VPS41: variants seen among roughly 807,000 people sequenced by gnomAD.
The protein encoded by VPS41 is vacuolar protein sorting-associated protein 41 homolog.
VPS41 carries 85 observed loss-of-function variants against 130.9 expected under a neutral mutation model. The observed-to-expected ratio is 0.65, with a 90% CI of 0.55 to 0.78. The LOEUF (loss-of-function observed/expected upper bound fraction) is 0.78. Ranked by LOEUF, VPS41 falls within the 30% of genes least tolerant of loss-of-function variation. The probability of loss-of-function intolerance (pLI) is 0.00; values close to 1 mark genes in which losing one functional copy is unlikely to be tolerated. For missense variants in VPS41, 874 were observed against 1,018.7 expected (o/e 0.86, Z 1.93); for synonymous variants, 335 against 332.9 (o/e 1.01, Z -0.07).
intron 5 of VPS41, among the ~76,000 whole-genome samples, chr7:38,821,935 T>G (rs1243720786): frequency 6.6e-6 from 1 of 152,120 alleles, no homozygotes; most frequent in African/African-American, 2.4e-5. Flanking sequence ...AACTATTTTT[T>G]CATCCCTTAA....
chr7:38,802,669 C>T (rs999694069), intron 7 of VPS41, among the ~76,000 whole-genome samples: 3 of 152,138 alleles, frequency 2.0e-5, no homozygotes, highest in African/African-American at 4.8e-5. Context: ...TTCTTACAAA[C>T]ATTCTATACT....
intron 2 of VPS41, among the ~76,000 whole-genome samples, chr7:38,882,409 C>A (rs1291034508): frequency 6.6e-6 from 1 of 152,166 alleles, no homozygotes; most frequent in South Asian, 2.1e-4. Context: ...CCCTCAGGGT[C>A]CAGGAATCAG....
intron 5 of VPS41, 121 bp from the exon 6 acceptor site, chr7:38,821,386 A>C (rs1584412191): frequency 4.4e-6 from 3 of 685,448 alleles, no homozygotes; most frequent in Non-Finnish European, 2.5e-6. Flanking sequence ...AGGCCCCGTG[A>C]CCTCTATTAA....
chr7:38,899,741 T>C (rs1330925909), intron 1 of VPS41, among the ~76,000 whole-genome samples: 2 of 152,234 alleles, frequency 1.3e-5, no homozygotes, highest in African/African-American at 4.8e-5. Flanking sequence ...TATTATGTTA[T>C]TAGCATCAGC....
intron 10 of VPS41, among the ~76,000 whole-genome samples, chr7:38,779,759 A>C (rs1784323056): frequency 1.3e-5 from 2 of 152,230 alleles, no homozygotes; most frequent in African/African-American, 4.8e-5. Flanking sequence ...TGAAGGTATA[A>C]GGAATATTCT....
At chr7:38,906,698 C>T (rs1053814742) in intron 1 of VPS41, among the ~76,000 whole-genome samples, 4 of 152,118 alleles carry the variant, frequency 2.6e-5, no homozygotes, top group African/African-American at 9.7e-5. Context: ...ACTCCAACTA[C>T]ATATTGGCTG....
intron 1 of VPS41, among the ~76,000 whole-genome samples, chr7:38,901,774 G>A (rs953197528): frequency 6.6e-6 from 1 of 152,194 alleles, no homozygotes; most frequent in Non-Finnish European, 1.5e-5. Context: ...GCTCACACCT[G>A]TAATCCCAGC....
intron 6 of VPS41, among the ~76,000 whole-genome samples, chr7:38,818,964 C>T (rs1198153516): frequency 6.6e-6 from 1 of 152,162 alleles, no homozygotes; most frequent in Non-Finnish European, 1.5e-5. Context: ...CCCAGGTTAG[C>T]CCTTCTTCCC....
intron 12 of VPS41, among the ~76,000 whole-genome samples, chr7:38,773,169 C>T (rs892557762): frequency 2.6e-5 from 4 of 152,110 alleles, no homozygotes; most frequent in Non-Finnish European, 2.9e-5. Flanking sequence ...TGACAGATGC[C>T]CAAGCCCTAG....
chr7:38,836,074 G>A (rs1785485619), intron 4 of VPS41, among the ~76,000 whole-genome samples: 2 of 151,832 alleles, frequency 1.3e-5, no homozygotes, highest in South Asian at 4.2e-4. Context: ...TCAAAGCTAA[G>A]GTTATTTTTC....
intron 7 of VPS41, among the ~76,000 whole-genome samples, chr7:38,813,800 C>G (rs951898946): frequency 1.3e-5 from 2 of 151,962 alleles, no homozygotes; most frequent in African/African-American, 4.8e-5. Flanking sequence ...TTTTATTTTA[C>G]TCTCATGTTA....
At chr7:38,809,537 C>T (rs1371724333) in intron 7 of VPS41, among the ~76,000 whole-genome samples, 2 of 151,990 alleles carry the variant, frequency 1.3e-5, no homozygotes, top group Non-Finnish European at 1.5e-5. Context: ...AAAAAGGATT[C>T]AAAATCCAAT....
In VPS41 at chr7:38,723,723, C is replaced by CAAAAAAAAAAAAAAAAAAAAAAAAAA. The variant is rs58105814; in HGVS notation, c.*2497_*2522dup. On this transcript the variant is annotated 3_prime_UTR_variant, in exon 29 of 29. Coordinates refer to ENST00000310301, the MANE Select transcript of VPS41 (RefSeq NM_014396.4). ...AAGGCAACAGAACGAGACTCCATCT[C>CAAAAAAAAAAAAAAAAAAAAAAAAAA]AAAAAAAAAAAAAAAAAAAAAAAAA... 8 of 38,866 alleles carry CAAAAAAAAAAAAAAAAAAAAAAAAAA rather than the reference C, an allele frequency of 2.1e-4. 1 individual carries two copies. The highest frequency in any genetic ancestry group is 4.5e-4 in the Admixed American group (1 of 2,226). 2.4% of individuals were successfully genotyped at this position (38,866 alleles called of 1,614,324 possible). A position where few individuals can be genotyped will look rare whatever the true frequency, so the allele number is the denominator to read the frequency against.
At chr7:38,830,992 G>A (rs761698499) in intron 4 of VPS41, among the ~76,000 whole-genome samples, 1 of 152,152 alleles carries the variant, frequency 6.6e-6, no homozygotes, top group African/African-American at 2.4e-5. Context: ...TGGCAGCAAG[G>A]AATCTACAAA....
At chr7:38,817,131 T>G (rs898352081) in intron 7 of VPS41, among the ~76,000 whole-genome samples, 2 of 152,102 alleles carry the variant, frequency 1.3e-5, no homozygotes, top group African/African-American at 4.8e-5. Context: ...CTCTAAAAGT[T>G]TATCAAGGCC....
intron 15 of VPS41, among the ~76,000 whole-genome samples, chr7:38,766,313 G>A (rs1209426437): frequency 1.3e-5 from 2 of 152,148 alleles, no homozygotes; most frequent in Non-Finnish European, 2.9e-5. Flanking sequence ...ACATTTATGT[G>A]TTCTGCCCAC....
chr7:38,817,665 A>G (rs1785080577), intron 7 of VPS41, 152 bp downstream of exon 7: 1 of 733,850 alleles, frequency 1.4e-6, no homozygotes, highest in African/African-American at 1.7e-5. Flanking sequence ...CAACTCCCCC[A>G]AGAGATGATG....
intron 5 of VPS41, among the ~76,000 whole-genome samples, chr7:38,826,681 G>C (rs911035039): frequency 1.3e-5 from 2 of 152,170 alleles, no homozygotes; most frequent in African/African-American, 2.4e-5. Context: ...CTGAGGTAGA[G>C]AGAGGTATAA....
chr7:38,846,732 C>T (rs1398389399), intron 4 of VPS41, among the ~76,000 whole-genome samples: 1 of 151,976 alleles, frequency 6.6e-6, no homozygotes, highest in Non-Finnish European at 1.5e-5. Context: ...CTGCAATAAC[C>T]CAGGTGAGAT....
Sources: allele counts gnomAD v4.1 joint callset (sites outside exome capture counted in the v4.1 genomes callset), GRCh38; gene constraint gnomAD v4.1.1; transcripts MANE v1.5; gene names NCBI Gene and HGNC (gene_info 2026-07-23, HGNC 2026-07-21).